Variants in OR2M3 observed in about 807,000 individuals in gnomAD.
The protein encoded by OR2M3 is olfactory receptor family 2 subfamily M member 3.
OR2M3 carries 1 observed loss-of-function variant against 4.3 expected under a neutral mutation model. That is an observed-to-expected ratio of 0.23 (90% confidence interval 0.08 to 1.11). OR2M3 has a LOEUF of 1.11. OR2M3 is among the 50% of genes most tolerant of loss of function. OR2M3 has a pLI of 0.54. For missense variants in OR2M3, 410 were observed against 390.4 expected, an observed-to-expected ratio of 1.05 and a Z score of -0.42; for synonymous variants, 151 against 139.4, an observed-to-expected ratio of 1.08 and a Z score of -0.59.
At position 248,208,328 on chromosome 1, in the gene OR2M3, G is replaced by A. The variant is rs554821275; in HGVS notation, c.*4322G>A. ...AACATCAATGTCGGAATTGAGATGT[G>A]AGGTACTATTCTATACATCGTGCTA... is the stretch of plus-strand genomic sequence containing the variant. On this transcript the variant is annotated 3_prime_UTR_variant, in exon 2 of 2. Transcript: ENST00000641626. 1 of 152,232 alleles carries A rather than the reference G, an allele frequency of 6.6e-6. No homozygotes were observed. 9.4% of individuals were successfully genotyped at this position (152,232 alleles called of 1,614,324 possible).
Position 248,211,575 on chromosome 1 carries a change from G to A in OR2M3, c.*7569G>A, listed in dbSNP as rs1290916229. ...GTCTCGCTCTGGGGCCCAGGCTGGA[G>A]TGCGGTGGTGCGATCTTGGCTCACT... is the stretch of plus-strand genomic sequence containing the variant. On this transcript the variant is annotated 3_prime_UTR_variant, in exon 2 of 2. Transcript: ENST00000641626. 4.0e-5 allele frequency: 6 copies of A among 150,870 alleles called. No individual in the cohort carries two copies. The highest frequency in any genetic ancestry group is 1.2e-4 in the African/African-American group (5 of 40,934). The allele number at this position is 150,870 out of a possible 1,614,324, so 9.3% of individuals were successfully genotyped here.
chr1:248,198,718 G>A (rs904574059), intron 1 of OR2M3, among the ~76,000 whole-genome samples: 4 of 152,082 alleles, frequency 2.6e-5, no homozygotes, highest in Non-Finnish European at 5.9e-5. Flanking sequence ...CAGGTGTAGA[G>A]TATCACAGTG....
rs1666200609 is a variant in OR2M3, at chr1:248,204,297, A to G, written c.*291A>G. On this transcript the variant is annotated 3_prime_UTR_variant, in exon 2 of 2. Transcript: ENST00000641626. Reference sequence around the variant, plus strand: ...GAACAGGTAGTGTTTGGTTTTATGAATAAGTTCTTTAGTGATGATTTCTGA... The same window carrying G: ...GAACAGGTAGTGTTTGGTTTTATGAGTAAGTTCTTTAGTGATGATTTCTGA... 8.1e-6 allele frequency: 2 copies of G among 247,742 alleles called. No individual in the cohort carries two copies. The highest frequency in any genetic ancestry group is 1.3e-4 in the South Asian group (2 of 15,410). The allele number at this position is 247,742 out of a possible 1,614,324, so 15.3% of individuals were successfully genotyped here. A position where few individuals can be genotyped will look rare whatever the true frequency, so the allele number is the denominator to read the frequency against.
rs775455561 is a variant in OR2M3, at chr1:248,203,165, C to G, written c.98C>G (p.Ala33Gly). 8 of 1,613,902 alleles carry G rather than the reference C, an allele frequency of 5.0e-6. No homozygotes were observed. Among genetic ancestry groups the G allele is most frequent in the Non-Finnish European group, 6.8e-6 (8 of 1,179,992 alleles). Reference protein sequence around the residue: ...THTFLFFLVLAIFSVAFMGNS... With the variant: ...THTFLFFLVLGIFSVAFMGNS... Reference sequence around the variant, plus strand: ...ACCTTCCTCTTCTTTCTGGTCCTGGCCATCTTTTCAGTGGCCTTCATGGGA... The same window carrying G: ...ACCTTCCTCTTCTTTCTGGTCCTGGGCATCTTTTCAGTGGCCTTCATGGGA... Residue 33 changes from alanine to glycine, a missense_variant, in exon 2 of 2, where the codon GCC (alanine) becomes GGC (glycine). Physicochemically the swap from Ala to Gly is moderately conservative, Grantham distance 60. Transcript: ENST00000641626.
Position 248,206,448 on chromosome 1 carries a change from G to C in OR2M3, c.*2442G>C, listed in dbSNP as rs1489566113. 1 of 151,944 alleles carries C rather than the reference G, an allele frequency of 6.6e-6. No individual in the cohort carries two copies. The highest frequency in any genetic ancestry group is 1.5e-5 in the Non-Finnish European group (1 of 67,948). The allele number at this position is 151,944 out of a possible 1,614,324, so 9.4% of individuals were successfully genotyped here. A position where few individuals can be genotyped will look rare whatever the true frequency, so the allele number is the denominator to read the frequency against. ...GTTTGCTGTGGATTTCTCATAGAAG[G>C]CTTTGATTACCTTAACGTCACCTCT... On this transcript the variant is annotated 3_prime_UTR_variant, in exon 2 of 2. Coordinates refer to ENST00000641626, the MANE Select transcript of OR2M3 (RefSeq NM_001004689.2).
At position 248,203,601 on chromosome 1, in the gene OR2M3, C is replaced by A. The variant is rs1481101833; in HGVS notation, c.534C>A (p.Phe178Leu). Reference sequence around the variant, plus strand: ...GGTCTCGGGAAATAGCCCACTTCTTCTGTGACTTCCCCTCCCTACTAATCC... The same window carrying A: ...GGTCTCGGGAAATAGCCCACTTCTTATGTGACTTCCCCTCCCTACTAATCC... ...YCGSREIAHFFCDFPSLLILS... is the reference protein window; with the variant it reads ...YCGSREIAHFLCDFPSLLILS... Residue 178 changes from phenylalanine (F) to leucine (L), a missense_variant, in exon 2 of 2, where the codon TTC becomes TTA. Physicochemically the swap from Phe to Leu is conservative, Grantham distance 22 (BLOSUM62 0). Coordinates refer to ENST00000641626, the MANE Select transcript of OR2M3 (RefSeq NM_001004689.2). The A allele has an allele frequency of 4.3e-6, 7 of 1,613,682 alleles. No homozygotes were observed. The highest frequency in any genetic ancestry group is 5.9e-6 in the Non-Finnish European group (7 of 1,179,826).
At chr1:248,200,304 C>T (rs1268089348) in intron 1 of OR2M3, among the ~76,000 whole-genome samples, 1 of 152,000 alleles carries the variant, frequency 6.6e-6, no homozygotes, top group Non-Finnish European at 1.5e-5. Context: ...TAAGTTGAGA[C>T]GAGTTATTTT....
chr1:248,202,455 C>A (rs567211560), intron 1 of OR2M3, among the ~76,000 whole-genome samples: 2 of 152,078 alleles, frequency 1.3e-5, no homozygotes, highest in Non-Finnish European at 2.9e-5. Context: ...CAACTCAATC[C>A]GTAACACTGG....
intron 1 of OR2M3, among the ~76,000 whole-genome samples, chr1:248,202,434 G>A (rs1481026265): frequency 1.3e-5 from 2 of 152,026 alleles, no homozygotes; most frequent in Admixed American, 6.6e-5. Flanking sequence ...GTATCTTTTT[G>A]GGAAGAAATA....
chr1:248,203,797 C>A lies in OR2M3; in HGVS notation c.730C>A (p.His244Asn). 1 of 1,613,008 alleles carries A rather than the reference C, an allele frequency of 6.2e-7. No homozygotes were observed. The highest frequency in any genetic ancestry group is 8.5e-7 in the Non-Finnish European group (1 of 1,179,802). ...RRKAFTTCSS[H>N]LLVVGMYYGA... ...CAAAGCTTTTACTACTTGTTCCTCT[C>A]ACCTCTTGGTGGTGGGAATGTACTA... Residue 244 changes from histidine (H) to asparagine (N), a missense_variant, in exon 2 of 2, where the codon CAC (histidine) becomes AAC (asparagine). By Grantham distance (68) the His-to-Asn change is moderately conservative. Coordinates refer to ENST00000641626, the MANE Select transcript of OR2M3 (RefSeq NM_001004689.2).
intron 1 of OR2M3, among the ~76,000 whole-genome samples, chr1:248,198,775 T>TCAGGC (rs2103012662): frequency 6.6e-6 from 1 of 152,306 alleles, no homozygotes; most frequent in South Asian, 2.1e-4. Flanking sequence ...TTGGCATTGC[T>TCAGGC]CAGGCATGTG....
chr1:248,203,831 C>T lies in OR2M3; in HGVS notation c.764C>T (p.Ala255Val), dbSNP rs762949492. The change falls in exon 2 of 2, where the codon GCT becomes GTT. Residue 255 changes from alanine (A) to valine (V), a missense_variant. Physicochemically the swap from Ala to Val is moderately conservative, Grantham distance 64. Coordinates refer to ENST00000641626, the MANE Select transcript of OR2M3 (RefSeq NM_001004689.2). ...LLVVGMYYGA[A>V]LFMYIRPTSD... The stretch of plus-strand genomic sequence containing the variant: ...GTGGTGGGAATGTACTATGGAGCAG[C>T]TTTGTTCATGTACATACGGCCCACA... 1.9e-6 allele frequency: 3 copies of T among 1,613,412 alleles called. No homozygotes were observed. In the African/African-American group the frequency reaches 4.0e-5, roughly 22 times the overall value.
In OR2M3 at chr1:248,205,163, T is replaced by C. The variant is rs1472443043; in HGVS notation, c.*1157T>C. The C allele has an allele frequency of 1.3e-5, 2 of 152,074 alleles. No individual in the cohort carries two copies. The highest frequency in any genetic ancestry group is 1.9e-4 in the East Asian group (1 of 5,202). The allele number at this position is 152,074 out of a possible 1,614,324, so 9.4% of individuals were successfully genotyped here. A position where few individuals can be genotyped will look rare whatever the true frequency, so the allele number is the denominator to read the frequency against. ...ATTTGTTTTCTTCTTGCTGATTTGT[T>C]TGAGTTCTTTGTAGATTCTGGAAAT... On this transcript the variant is annotated 3_prime_UTR_variant, in exon 2 of 2. Transcript: ENST00000641626.
rs373293231 is a variant in OR2M3, at chr1:248,203,659, A to G, written c.592A>G (p.Ile198Val). Residue 198 changes from isoleucine to valine, a missense_variant, in exon 2 of 2, where the codon ATT becomes GTT. Ile to Val is a conservative substitution (Grantham distance 29). Transcript: ENST00000641626. ...SCSDTSIFEK[I>V]LFICCIVMIV... is the part of the protein sequence containing the mutation. Reference sequence around the variant, plus strand: ...CAGTGACACATCAATATTTGAAAAGATTCTTTTCATCTGCTGTATAGTAAT... The same window carrying G: ...CAGTGACACATCAATATTTGAAAAGGTTCTTTTCATCTGCTGTATAGTAAT... 10 of 1,613,746 alleles carry G rather than the reference A, an allele frequency of 6.2e-6. No homozygotes were observed. Among genetic ancestry groups the G allele is most frequent in the South Asian group, 1.1e-5 (1 of 91,066 alleles).
Position 248,203,299 on chromosome 1 carries a change from G to C in OR2M3, c.232G>C (p.Val78Leu), listed in dbSNP as rs141884297. The change falls in exon 2 of 2, where the codon GTA (valine) becomes CTA (leucine). Residue 78 changes from valine (V) to leucine (L), a missense_variant. Transcript: ENST00000641626. ...GGACCTCATGCTCATCTGCACCACC[G>C]TACCCAAGATGGCCTTCAACTACCT... is the stretch of plus-strand genomic sequence containing the variant. ...LMDLMLICTTVPKMAFNYLSG... is the reference protein window; with the variant it reads ...LMDLMLICTTLPKMAFNYLSG... The C allele has an allele frequency of 1.3e-4, 216 of 1,613,866 alleles. No individual in the cohort carries two copies. The highest frequency in any genetic ancestry group is 1.7e-4 in the Non-Finnish European group (206 of 1,180,002).
chr1:248,203,732 T>C lies in OR2M3; in HGVS notation c.665T>C (p.Ile222Thr), dbSNP rs1666191580. The C allele has an allele frequency of 6.2e-7, 1 of 1,612,610 alleles. No homozygotes were observed. Residue 222 changes from isoleucine (I) to threonine (T), a missense_variant, in exon 2 of 2, where the codon ATC (isoleucine) becomes ACC (threonine). Transcript: ENST00000641626. Reference sequence around the variant, plus strand: ...ATCATTGCTTCCTATGCTCGAGTTATCCTGGCTGTCATTCACATGGGATCT... The same window carrying C: ...ATCATTGCTTCCTATGCTCGAGTTACCCTGGCTGTCATTCACATGGGATCT... ...AIIIASYARV[I>T]LAVIHMGSGE...
chr1:248,197,698 C>T (rs534575602), intron 1 of OR2M3, among the ~76,000 whole-genome samples: 2 of 152,182 alleles, frequency 1.3e-5, no homozygotes, highest in South Asian at 2.1e-4. Flanking sequence ...TTAGCTCATG[C>T]AGGATGAGAA....
chr1:248,202,008 CT>C (rs1666163116), intron 1 of OR2M3, among the ~76,000 whole-genome samples: 1 of 152,038 alleles, frequency 6.6e-6, no homozygotes, highest in East Asian at 1.9e-4. Flanking sequence ...TACTCATTCT[CT>C]AGAGGAGATA....
At position 248,209,509 on chromosome 1, in the gene OR2M3, C is replaced by CCTCG. The variant is rs912662713; in HGVS notation, c.*5504_*5507dup. ...GTGTCTTTTGTCCCACTGAGTGCTC[C>CCTCG]CTCGATGTGGTGTTCTCATTCCCCT... On this transcript the variant is annotated 3_prime_UTR_variant, in exon 2 of 2. Transcript: ENST00000641626. The CCTCG allele has an allele frequency of 1.3e-5, 2 of 152,034 alleles. No individual in the cohort carries two copies. Among genetic ancestry groups the CCTCG allele is most frequent in the African/African-American group, 4.8e-5 (2 of 41,388 alleles). 9.4% of individuals were successfully genotyped at this position (152,034 alleles called of 1,614,324 possible).
Sources: allele counts gnomAD v4.1 joint callset (sites outside exome capture counted in the v4.1 genomes callset), GRCh38; gene constraint gnomAD v4.1.1; transcripts MANE v1.5; gene names NCBI Gene and HGNC (gene_info 2026-07-23, HGNC 2026-07-21).